RYR3: variants seen among roughly 807,000 people sequenced by gnomAD.
RYR3 encodes ryanodine receptor 3, also known as brain ryanodine receptor-calcium release channel.
RYR3 carries 207 observed loss-of-function variants against 584.3 expected under a neutral mutation model. The ratio of observed to expected loss-of-function variants is 0.35; its 90% confidence interval spans 0.32 to 0.40. The LOEUF is 0.40. RYR3 is among the 10% of genes least tolerant of loss of function. RYR3 has a pLI of 1.00. For missense variants in RYR3, 5,616 were observed against 6,089.2 expected (o/e 0.92, Z 2.59); for synonymous variants, 2,416 against 2,248.5 (o/e 1.07, Z -2.11).
chr15:33,497,984 C>T (rs556478051), intron 2 of RYR3, among the ~76,000 whole-genome samples: 16 of 152,240 alleles, frequency 1.1e-4, no homozygotes, highest in Non-Finnish European at 1.9e-4. Flanking sequence ...TTGTGCCTAG[C>T]TTATTTCACT....
At chr15:33,688,653 T>G (rs920665567) in intron 38 of RYR3, among the ~76,000 whole-genome samples, 1 of 149,948 alleles carries the variant, frequency 6.7e-6, no homozygotes, top group Non-Finnish European at 1.5e-5. Flanking sequence ...ATCAGAGAAA[T>G]GCAAATCAAA....
At chr15:33,559,629 C>T (rs889848960) in intron 10 of RYR3, among the ~76,000 whole-genome samples, 2 of 152,090 alleles carry the variant, frequency 1.3e-5, no homozygotes, top group Admixed American at 1.3e-4. Context: ...CTGCCTAGTA[C>T]CTGGCCTTGG....
At chr15:33,326,628 G>A (rs1404531961) in intron 1 of RYR3, among the ~76,000 whole-genome samples, 2 of 152,098 alleles carry the variant, frequency 1.3e-5, no homozygotes, top group Non-Finnish European at 2.9e-5. Flanking sequence ...AAGGATGATC[G>A]TAAAGCAATA....
chr15:33,442,342 T>A (rs753928529), intron 1 of RYR3, among the ~76,000 whole-genome samples: 16 of 152,240 alleles, frequency 1.1e-4, no homozygotes, highest in Non-Finnish European at 2.4e-4. Flanking sequence ...CACTTTGATG[T>A]TCTCTGGGAA....
intron 5 of RYR3, among the ~76,000 whole-genome samples, chr15:33,534,230 G>A (rs1595481715): frequency 6.6e-6 from 1 of 152,066 alleles, no homozygotes; most frequent in South Asian, 2.1e-4. Flanking sequence ...GTGAAACCCC[G>A]ACTCTATTAA....
intron 1 of RYR3, among the ~76,000 whole-genome samples, chr15:33,316,514 A>T (rs1244542255): frequency 3.9e-5 from 6 of 152,142 alleles, no homozygotes; most frequent in Non-Finnish European, 8.8e-5. Flanking sequence ...TTAATACAAG[A>T]TTTATCCAGT....
intron 1 of RYR3, among the ~76,000 whole-genome samples, chr15:33,418,329 G>GTT (rs775218592): frequency 3.2e-4 from 46 of 143,818 alleles, no homozygotes; most frequent in African/African-American, 1.1e-3. Context: ...TCGTTGGCAG[G>GTT]TTTTTTTTTT....
Position 33,694,401 on chromosome 15 carries a change from C to T in RYR3, c.5861-1817C>T, listed in dbSNP as rs563936893. ...CTGGGACTACAGGCGCCCTCCATCA[C>T]GCCCGGTTAATTTTTTGTATTTTTA... On this transcript the variant is annotated intron_variant, in intron 38 of 103. Coordinates refer to ENST00000634891, the MANE Select transcript of RYR3 (RefSeq NM_001036.6). Among the ~76,000 whole-genome samples, 142 of 122,862 alleles carry T rather than the reference C, an allele frequency of 1.2e-3. 1 individual carries two copies. Among genetic ancestry groups the T allele is most frequent in the African/African-American group, 3.2e-3 (127 of 39,712 alleles). 80.6% of individuals were successfully genotyped at this position (122,862 alleles called of 152,430 possible).
intron 98 of RYR3, among the ~76,000 whole-genome samples, chr15:33,855,602 TTC>T: frequency 1.8e-3 from 1 of 566 alleles, no homozygotes; most frequent in East Asian, 0.25. Flanking sequence ...CCCCAGGTAT[TTC>T]TGATATCTGC....
At chr15:33,841,670 T>G in intron 90 of RYR3, 194 bp from the exon 91 acceptor site, 1 of 554,054 alleles carries the variant, frequency 1.8e-6, no homozygotes, top group Non-Finnish European at 3.2e-6. Context: ...TTCACCAAGA[T>G]CATGGCTCAT....
At chr15:33,384,038 C>T (rs2141218034) in intron 1 of RYR3, among the ~76,000 whole-genome samples, 1 of 152,288 alleles carries the variant, frequency 6.6e-6, no homozygotes, top group Middle Eastern at 3.4e-3. Context: ...CATGTTGTCA[C>T]TTGTAAGTGA....
chr15:33,609,834 C>T lies in RYR3; in HGVS notation c.2165-3349C>T, dbSNP rs533720471. ...CAGGAGGAAGAAAAGATCCTGGGAC[C>T]TTGGGTATCTAAACTCCATACAGTG... is the stretch of plus-strand genomic sequence containing the variant. On this transcript the variant is annotated intron_variant, in intron 18 of 103. Coordinates refer to ENST00000634891, the MANE Select transcript of RYR3 (RefSeq NM_001036.6). 2.0e-5 allele frequency among the ~76,000 whole-genome samples: 3 copies of T among 152,200 alleles called. No homozygotes were observed. In the South Asian group the frequency reaches 6.2e-4, roughly 32 times the overall value.
intron 64 of RYR3, among the ~76,000 whole-genome samples, chr15:33,776,575 C>T (rs139867216): frequency 6.6e-6 from 1 of 152,312 alleles, no homozygotes; most frequent in East Asian, 1.9e-4. Flanking sequence ...TCTGATCAGA[C>T]ATTGCACAAT....
intron 39 of RYR3, among the ~76,000 whole-genome samples, chr15:33,697,050 A>T (rs1034111429): frequency 2.0e-5 from 3 of 152,148 alleles, no homozygotes; most frequent in African/African-American, 7.2e-5. Context: ...TGTTTTGCAG[A>T]TGAGAACACC....
intron 3 of RYR3, among the ~76,000 whole-genome samples, chr15:33,508,601 G>A (rs191529222): frequency 1.3e-5 from 2 of 152,298 alleles, no homozygotes; most frequent in East Asian, 3.9e-4. Flanking sequence ...AGTGAGCTGA[G>A]ATTGCACCAC....
At chr15:33,794,349 A>ATATATAACATATATATATGTG (rs2075449910) in intron 67 of RYR3, among the ~76,000 whole-genome samples, 2 of 102,474 alleles carry the variant, frequency 2.0e-5, no homozygotes, top group Non-Finnish European at 4.0e-5. Flanking sequence ...ATATATAAAA[A>ATATATAACATATATATATGTG]TATATATATA....
intron 32 of RYR3, 96 bp from the exon 33 acceptor site, chr15:33,659,624 T>C (rs1246065439): frequency 1.3e-6 from 1 of 764,374 alleles, no homozygotes; most frequent in Non-Finnish European, 2.3e-6. Context: ...CTAGCAGTCA[T>C]TGGAATGAGA....
chr15:33,323,842 T>C (rs1360874444), intron 1 of RYR3, among the ~76,000 whole-genome samples: 1 of 152,156 alleles, frequency 6.6e-6, no homozygotes, highest in African/African-American at 2.4e-5. Flanking sequence ...ATGCCACTTG[T>C]TCATATCCTG....
In RYR3 at chr15:33,461,093, C is replaced by T. The variant is rs373869720; in HGVS notation, c.52-12326C>T. Among the ~76,000 whole-genome samples the T allele has an allele frequency of 9.9e-5, 15 of 151,822 alleles. No homozygotes were observed. The East Asian group carries it at 1.2e-3, about 12-fold the overall frequency. Reference sequence around the variant, plus strand: ...CCGAGTAGCTGTAACTACAGGCACCCGCCACCACGCCCAGCTAATTTTTTG... The same window carrying T: ...CCGAGTAGCTGTAACTACAGGCACCTGCCACCACGCCCAGCTAATTTTTTG... On this transcript the variant is annotated intron_variant, in intron 1 of 103. Coordinates refer to ENST00000634891, the MANE Select transcript of RYR3 (RefSeq NM_001036.6).
Sources: gnomAD v4.1 joint callset for allele counts (sites outside exome capture counted in the v4.1 genomes callset) on GRCh38, gnomAD v4.1.1 for gene constraint, MANE v1.5 for transcripts, NCBI Gene and HGNC (gene_info 2026-07-23, HGNC 2026-07-21) for gene names.